The following RBFOX1 variants were observed in gnomAD, a reference collection of about 807,000 sequenced individuals.
The protein encoded by RBFOX1 is RNA binding protein fox-1 homolog 1.
A neutral mutation model predicts 57.7 loss-of-function variants in RBFOX1; 8 were observed. The observed-to-expected ratio is 0.14, with a 90% CI of 0.08 to 0.25. RBFOX1 has a LOEUF of 0.25. RBFOX1 is among the 10% of genes least tolerant of loss of function. The pLI is 1.00. For synonymous variants in RBFOX1, 326 were observed against 222.4 expected, an observed-to-expected ratio of 1.47 and a Z score of -4.15; for missense variants, 611 against 548.5, an observed-to-expected ratio of 1.11 and a Z score of -1.14.
chr16:7,392,751 G>C (rs1438846861), intron 4 of RBFOX1, among the ~76,000 whole-genome samples: 1 of 152,174 alleles, frequency 6.6e-6, no homozygotes, highest in Non-Finnish European at 1.5e-5. Context: ...ATTGGTCATT[G>C]CTGAATCTAA....
intron 1 of RBFOX1, among the ~76,000 whole-genome samples, chr16:5,380,985 A>T (rs1273375133): frequency 2.0e-5 from 3 of 152,140 alleles, no homozygotes; most frequent in Non-Finnish European, 1.5e-5. Flanking sequence ...AAAGATCTGG[A>T]TTTTTTTTAT....
At chr16:7,473,656 G>A (rs974510458) in intron 4 of RBFOX1, among the ~76,000 whole-genome samples, 1 of 151,712 alleles carries the variant, frequency 6.6e-6, no homozygotes, top group African/African-American at 2.4e-5. Flanking sequence ...GCTTTATATG[G>A]CTAAATTTAA....
chr16:6,702,483 G>C (rs1177876669), intron 3 of RBFOX1, among the ~76,000 whole-genome samples: 1 of 152,058 alleles, frequency 6.6e-6, no homozygotes, highest in Non-Finnish European at 1.5e-5. Context: ...GAGCCCGGGA[G>C]GCAGAGGCTA....
At chr16:7,676,677 G>A (rs1040241984) in intron 13 of RBFOX1, 97 bp from the exon 14 acceptor site, 3 of 1,039,016 alleles carry the variant, frequency 2.9e-6, no homozygotes, top group Non-Finnish European at 4.5e-6. Context: ...TAGCTCAGTA[G>A]ATTTGGGTAA....
At chr16:5,420,280 G>A (rs1488340430) in intron 1 of RBFOX1, among the ~76,000 whole-genome samples, 1 of 152,066 alleles carries the variant, frequency 6.6e-6, no homozygotes, top group Non-Finnish European at 1.5e-5. Context: ...AGGTAACCAG[G>A]GAATAGTAAG....
At chr16:7,575,554 C>T (rs1373374409) in intron 5 of RBFOX1, among the ~76,000 whole-genome samples, 1 of 152,168 alleles carries the variant, frequency 6.6e-6, no homozygotes, top group Non-Finnish European at 1.5e-5. Context: ...CCAAGGAACA[C>T]CTGCAGCCAA....
chr16:6,411,521 T>C (rs1055384275), intron 2 of RBFOX1, among the ~76,000 whole-genome samples: 2 of 152,214 alleles, frequency 1.3e-5, no homozygotes, highest in African/African-American at 4.8e-5. Flanking sequence ...AATATTAAAA[T>C]GTCCTATTAG....
chr16:5,541,738 C>G (rs545301296), intron 2 of RBFOX1, among the ~76,000 whole-genome samples: 6 of 152,270 alleles, frequency 3.9e-5, no homozygotes, highest in African/African-American at 9.6e-5. Flanking sequence ...ACATCTTGCT[C>G]TAATTATTTA....
chr16:5,943,536 G>A (rs886589028), intron 4 of RBFOX1, among the ~76,000 whole-genome samples: 1 of 152,198 alleles, frequency 6.6e-6, no homozygotes, highest in African/African-American at 2.4e-5. Context: ...GAGGGAAGAA[G>A]AGGTCAAGAC....
chr16:5,748,903 T>C (rs1427314092), intron 3 of RBFOX1, among the ~76,000 whole-genome samples: 1 of 152,200 alleles, frequency 6.6e-6, no homozygotes, highest in Non-Finnish European at 1.5e-5. Flanking sequence ...GTGAATTTGT[T>C]CCTGTCATTA....
chr16:6,068,750 G>A (rs934881901), intron 1 of RBFOX1, among the ~76,000 whole-genome samples: 8 of 152,206 alleles, frequency 5.3e-5, no homozygotes, highest in South Asian at 2.1e-4. Context: ...CTTACAGGTA[G>A]ACATATAGCT....
chr16:6,795,931 C>A (rs1308074031), intron 3 of RBFOX1, among the ~76,000 whole-genome samples: 2 of 152,004 alleles, frequency 1.3e-5, no homozygotes, highest in African/African-American at 4.8e-5. Flanking sequence ...GTCAGTGAAT[C>A]CAAACATTGA....
chr16:7,414,699 C>T (rs1450230136), intron 4 of RBFOX1, among the ~76,000 whole-genome samples: 3 of 152,184 alleles, frequency 2.0e-5, no homozygotes, highest in African/African-American at 4.8e-5. Flanking sequence ...TTCACTGCAA[C>T]CTCCGCCTCC....
intron 5 of RBFOX1, among the ~76,000 whole-genome samples, chr16:7,543,600 G>C (rs543728236): frequency 6.6e-6 from 1 of 151,900 alleles, no homozygotes; most frequent in African/African-American, 2.4e-5. Flanking sequence ...TTAAAATTGA[G>C]AACCATTGCT....
chr16:6,057,621 G>A (rs1205960964), intron 1 of RBFOX1, among the ~76,000 whole-genome samples: 6 of 152,096 alleles, frequency 3.9e-5, no homozygotes, highest in African/African-American at 4.8e-5. Context: ...GCCGCCAGGC[G>A]TTTAAGGATG....
intron 3 of RBFOX1, among the ~76,000 whole-genome samples, chr16:5,749,207 G>C (rs1441193803): frequency 6.6e-6 from 1 of 152,134 alleles, no homozygotes; most frequent in East Asian, 1.9e-4. Flanking sequence ...CCCCCTTTTG[G>C]TTTGTAGAGT....
intron 1 of RBFOX1, among the ~76,000 whole-genome samples, chr16:5,460,965 A>G (rs926601706): frequency 6.6e-6 from 1 of 152,178 alleles, no homozygotes; most frequent in Non-Finnish European, 1.5e-5. Flanking sequence ...TCAGATGTCA[A>G]GGTTGAAATT....
intron 3 of RBFOX1, among the ~76,000 whole-genome samples, chr16:6,931,339 C>CA (rs1567942171): frequency 2.1e-3 from 210 of 101,274 alleles, no homozygotes; most frequent in African/African-American, 7.4e-3. Context: ...CTATCTATCT[C>CA]TACACACACA....
intron 4 of RBFOX1, among the ~76,000 whole-genome samples, chr16:7,194,339 T>G (rs538886915): frequency 1.3e-5 from 2 of 152,326 alleles, no homozygotes; most frequent in South Asian, 2.1e-4. Context: ...ATTACTGATA[T>G]CCAGTTGCCT....
Sources: gnomAD v4.1 joint callset for allele counts (sites outside exome capture counted in the v4.1 genomes callset) on GRCh38, gnomAD v4.1.1 for gene constraint, MANE v1.5 for transcripts, NCBI Gene and HGNC (gene_info 2026-07-23, HGNC 2026-07-21) for gene names.